The following PSD variants were observed in gnomAD, a reference collection of about 807,000 sequenced individuals.
The protein encoded by PSD is PH and SEC7 domain-containing protein 1.
In PSD, 32 loss-of-function variants were observed where a neutral mutation model predicts 91.6. The ratio of observed to expected loss-of-function variants is 0.35; its 90% CI spans 0.26 to 0.47. The LOEUF (loss-of-function observed/expected upper bound fraction) is 0.47. Among genes scored for constraint, PSD ranks in the 20% least tolerant of loss-of-function variants. The pLI is 1.00. For synonymous variants in PSD, 532 were observed against 569.3 expected (o/e 0.93, Z 0.93); for missense variants, 1,099 against 1,373.9 (o/e 0.80, Z 3.16).
intron 11 of PSD, among the ~76,000 whole-genome samples, chr10:102,406,737 C>A (rs1285525062): frequency 6.6e-6 from 1 of 152,194 alleles, no homozygotes; most frequent in Non-Finnish European, 1.5e-5. Context: ...GATCTCCTGA[C>A]CTCGTGATCT....
Position 102,403,775 on chromosome 10 carries a change from G to C in PSD, c.2844+67C>G. On this transcript the variant is annotated intron_variant, in intron 16 of 16. Coordinates refer to ENST00000020673, the MANE Select transcript of PSD (RefSeq NM_002779.5). This position sits in a 1 kb window ranked among gnomAD's most constrained non-coding sequence, Gnocchi z 6.7. Reference sequence around the variant, plus strand: ...GGACCTCCGGCCGGTTCCACTGTTAGAGTTCATGCCCTTCACCCTAGTATG... The same window carrying C: ...GGACCTCCGGCCGGTTCCACTGTTACAGTTCATGCCCTTCACCCTAGTATG... 6.5e-7 allele frequency: 1 copy of C among 1,538,110 alleles called. No homozygotes were observed.
At position 102,409,847 on chromosome 10, in the gene PSD, C is replaced by A. The variant is rs940397179; in HGVS notation, c.2091+1011G>T. On this transcript the variant is annotated intron_variant, in intron 10 of 16. Transcript: ENST00000020673. This position sits in a 1 kb window ranked among gnomAD's most constrained non-coding sequence, Gnocchi z 5.7. ...GGCATATGGCATACCTCAGACACGGCCAATTCGAAGATGTAAACCCCACCA... is the reference window on the plus strand; with the variant it reads ...GGCATATGGCATACCTCAGACACGGACAATTCGAAGATGTAAACCCCACCA... 6.6e-6 allele frequency among the ~76,000 whole-genome samples: 1 copy of A among 152,228 alleles called. No homozygotes were observed.
chr10:102,405,749 C>T lies in PSD; in HGVS notation c.2136-213G>A. The T allele has an allele frequency of 1.7e-6, 1 of 573,980 alleles. No homozygotes were observed. The highest frequency in any genetic ancestry group is 1.9e-5 in the African/African-American group (1 of 53,640). 35.6% of individuals were successfully genotyped at this position (573,980 alleles called of 1,614,324 possible). On this transcript the variant is annotated intron_variant, in intron 11 of 16. Transcript: ENST00000020673. The surrounding 1 kb of genome is among the most constrained non-coding windows in gnomAD (Gnocchi z 5.4). ...GGGCACCTCCCTCAGAGCTCCCCAG[C>T]CTAGAGCCACCACTGTCCCTTCCTC... is the stretch of plus-strand genomic sequence containing the variant.
In PSD at chr10:102,410,850, C is replaced by G; in HGVS notation, c.2091+8G>C. 8.7e-6 allele frequency: 14 copies of G among 1,608,818 alleles called. No homozygotes were observed. The highest frequency in any genetic ancestry group is 1.2e-5 in the Non-Finnish European group (14 of 1,175,760). On this transcript the variant is annotated splice_region_variant and intron_variant, in intron 10 of 16. Coordinates refer to ENST00000020673, the MANE Select transcript of PSD (RefSeq NM_002779.5). This position sits in a 1 kb window ranked among gnomAD's most constrained non-coding sequence, Gnocchi z 6.0. Reference sequence around the variant, plus strand: ...CTCCAGCGACTTCTACCCTGCCCCGCCCCCCACCTTGAGCAGCTCCCTAGG... The same window carrying G: ...CTCCAGCGACTTCTACCCTGCCCCGGCCCCCACCTTGAGCAGCTCCCTAGG...
Position 102,412,510 on chromosome 10 carries a change from G to A in PSD, c.1619C>T (p.Ala540Val). 6.2e-7 allele frequency: 1 copy of A among 1,613,460 alleles called. No individual in the cohort carries two copies. The highest frequency in any genetic ancestry group is 8.5e-7 in the Non-Finnish European group (1 of 1,179,952). Residue 540 changes from alanine to valine, a missense_variant, in exon 6 of 17, where the codon GCC becomes GTC. Transcript: ENST00000020673. ...GGACAAGGTGTCTGTGCTTCCCAGG[G>A]CCAGCCGCTCTGTGCTGTCCAGCTC... Reference protein sequence around the residue: ...DSELDSTERLALGSTDTLSNG... With the variant: ...DSELDSTERLVLGSTDTLSNG...
Position 102,416,726 on chromosome 10 carries a change from A to C in PSD, c.313T>G (p.Phe105Val), listed in dbSNP as rs1222687610. The change falls in exon 2 of 17, where the codon TTT becomes GTT. Residue 105 changes from phenylalanine (F) to valine (V), a missense_variant. This residue lies in a region of PSD where 631 missense variants were observed against 728.8 expected (regional missense o/e 0.87). Coordinates refer to ENST00000020673, the MANE Select transcript of PSD (RefSeq NM_002779.5). This position sits in a 1 kb window ranked among gnomAD's most constrained non-coding sequence, Gnocchi z 6.0. ...GGCCTCACACTGGCCTTCTCCACAA[A>C]GCGGAAGATGACCACAGAGCTCTGG... Reference protein sequence around the residue: ...GAQSSVVIFRFVEKASVRPLN... With the variant: ...GAQSSVVIFRVVEKASVRPLN... 1.3e-6 allele frequency: 2 copies of C among 1,595,132 alleles called. No individual in the cohort carries two copies. The highest frequency in any genetic ancestry group is 1.1e-5 in the South Asian group (1 of 88,162).
intron 7 of PSD, 46 bp downstream of exon 7, chr10:102,412,101 C>G (rs757503896): frequency 1.3e-6 from 2 of 1,585,200 alleles, no homozygotes; most frequent in South Asian, 1.1e-5. Context: ...GGCCCTAACA[C>G]GAACCCCGGA....
At position 102,416,894 on chromosome 10, in the gene PSD, G is replaced by T; in HGVS notation, c.145C>A (p.Arg49=). The T allele has an allele frequency of 6.2e-7, 1 of 1,607,234 alleles. No individual in the cohort carries two copies. Among genetic ancestry groups the T allele is most frequent in the Non-Finnish European group, 8.5e-7 (1 of 1,177,944 alleles). The change falls in exon 2 of 17, where the codon CGA becomes AGA. Residue 49 remains arginine (R), a synonymous_variant. Coordinates refer to ENST00000020673, the MANE Select transcript of PSD (RefSeq NM_002779.5). The surrounding 1 kb of genome is among the most constrained non-coding windows in gnomAD (Gnocchi z 6.0). ...CCTCGAGGACCTGGACCTGCCACTCGCCGTAGCAAGGAGCCTGTGCTGCCA... is the reference window on the plus strand; with the variant it reads ...CCTCGAGGACCTGGACCTGCCACTCTCCGTAGCAAGGAGCCTGTGCTGCCA... ...MYGSTGSLLR[R]VAGPGPRGRE... is the part of the protein sequence containing the mutation.
Position 102,404,594 on chromosome 10 carries a change from G to A in PSD, c.2689C>T (p.Arg897Cys), listed in dbSNP as rs1416983041. ...AGAGCTTGGGCTACCTGGGAGAGGC[G>A]GGTGGCAGCGCTGGGCAGGAGAGGG... ...SRPLLPSAAT[R>C]LSQEEQVRTH... Residue 897 changes from arginine to cysteine, a missense_variant, in exon 15 of 17, where the codon CGC becomes TGC. Arg to Cys is a radical substitution (Grantham distance 180). Coordinates refer to ENST00000020673, the MANE Select transcript of PSD (RefSeq NM_002779.5). This position sits in a 1 kb window ranked among gnomAD's most constrained non-coding sequence, Gnocchi z 5.7. 2.4e-5 allele frequency: 39 copies of A among 1,610,688 alleles called. No homozygotes were observed. The highest frequency in any genetic ancestry group is 1.6e-4 in the Middle Eastern group (1 of 6,064).
Position 102,416,009 on chromosome 10 carries a change from G to C in PSD, c.757+8C>G. ...CCCTGTTCTCCCTGCCTCAGTCCCAGGCCTTACCTGAGCTGGGGGGGTCCA... is the reference window on the plus strand; with the variant it reads ...CCCTGTTCTCCCTGCCTCAGTCCCACGCCTTACCTGAGCTGGGGGGGTCCA... On this transcript the variant is annotated splice_region_variant and intron_variant, in intron 3 of 16. Coordinates refer to ENST00000020673, the MANE Select transcript of PSD (RefSeq NM_002779.5). The surrounding 1 kb of genome is among the most constrained non-coding windows in gnomAD (Gnocchi z 6.0). The C allele has an allele frequency of 6.2e-7, 1 of 1,609,736 alleles. No individual in the cohort carries two copies. Among genetic ancestry groups the C allele is most frequent in the Non-Finnish European group, 8.5e-7 (1 of 1,177,398 alleles).
Position 102,415,078 on chromosome 10 carries a change from C to T in PSD, c.909G>A (p.Glu303=), listed in dbSNP as rs769123444. ...CGGCCTCCTCCCGCTCAGCCAGCAC[C>T]TCATCGATGTCAGTCTCGCGGTAGC... ...LRCYRETDID[E]VLAEREEADS... The change falls in exon 4 of 17, where the codon GAG becomes GAA. Residue 303 remains glutamate, a synonymous_variant. Transcript: ENST00000020673. The T allele has an allele frequency of 1.2e-6, 2 of 1,614,108 alleles. No homozygotes were observed. Among genetic ancestry groups the T allele is most frequent in the Non-Finnish European group, 1.7e-6 (2 of 1,180,024 alleles).
chr10:102,413,530 C>G (rs530725736), intron 5 of PSD, among the ~76,000 whole-genome samples: 1 of 152,110 alleles, frequency 6.6e-6, no homozygotes, highest in Non-Finnish European at 1.5e-5. Context: ...TCCTTCAATG[C>G]TGAATCATGC....
rs2061488783 is a variant in PSD at position 102,416,938 on chromosome 10, C to T, written c.101G>A (p.Ser34Asn). ...GCTGCCATACATGCTGGCTGGGGGG[C>T]TCTGGGGCACCGGGCCTTCGGGGAG... ...RWLPEGPVPQ[S>N]PPASMYGSTG... The change falls in exon 2 of 17, where the codon AGC becomes AAC. Residue 34 changes from serine (S) to asparagine (N), a missense_variant. Coordinates refer to ENST00000020673, the MANE Select transcript of PSD (RefSeq NM_002779.5). This position sits in a 1 kb window ranked among gnomAD's most constrained non-coding sequence, Gnocchi z 6.0. The T allele has an allele frequency of 1.2e-6, 2 of 1,603,940 alleles. No homozygotes were observed. The highest frequency in any genetic ancestry group is 1.1e-5 in the South Asian group (1 of 90,890).
Position 102,418,724 on chromosome 10 carries a change from C to A in PSD, c.-107G>T, listed in dbSNP as rs1315203975. On this transcript the variant is annotated 5_prime_UTR_variant, in exon 1 of 17. Transcript: ENST00000020673. Reference sequence around the variant, plus strand: ...ACCGCTGCTCGCCCAGAGCTGAGACCGAGGAGAGACAGAGGAGAGGCTGGG... The same window carrying A: ...ACCGCTGCTCGCCCAGAGCTGAGACAGAGGAGAGACAGAGGAGAGGCTGGG... 12 of 455,702 alleles carry A rather than the reference C, an allele frequency of 2.6e-5. No individual in the cohort carries two copies. The East Asian group carries it at 7.6e-4, about 29-fold the overall frequency. 28.2% of individuals were successfully genotyped at this position (455,702 alleles called of 1,614,324 possible).
Position 102,417,113 on chromosome 10 carries a change from C to T in PSD, c.-75G>A. Reference sequence around the variant, plus strand: ...GGGAGTAAGGGGGCTGCATGCTCTTCAGACAGGCCTGTAAGAGAGGAAGGG... The same window carrying T: ...GGGAGTAAGGGGGCTGCATGCTCTTTAGACAGGCCTGTAAGAGAGGAAGGG... On this transcript the variant is annotated 5_prime_UTR_variant, in exon 2 of 17. Coordinates refer to ENST00000020673, the MANE Select transcript of PSD (RefSeq NM_002779.5). 1 of 808,902 alleles carries T rather than the reference C, an allele frequency of 1.2e-6. No individual in the cohort carries two copies. The highest frequency in any genetic ancestry group is 2.0e-6 in the Non-Finnish European group (1 of 508,674). 50.1% of individuals were successfully genotyped at this position (808,902 alleles called of 1,614,324 possible).
Position 102,404,860 on chromosome 10 carries a change from G to C in PSD, c.2555+38C>G, listed in dbSNP as rs779671904. ...GGGAGGGGAGCAGGATGGGAGGTGG[G>C]GGAAGGGGTCCGGGATGGGCAGGAG... On this transcript the variant is annotated intron_variant, in intron 14 of 16. Transcript: ENST00000020673. The surrounding 1 kb of genome is among the most constrained non-coding windows in gnomAD (Gnocchi z 5.7). The C allele has an allele frequency of 6.2e-7, 1 of 1,604,670 alleles. No homozygotes were observed. The highest frequency in any genetic ancestry group is 8.5e-7 in the Non-Finnish European group (1 of 1,174,642).
Position 102,414,330 on chromosome 10 carries a change from AAAG to A in PSD, c.1125-136_1125-134del. On this transcript the variant is annotated intron_variant, in intron 4 of 16. Coordinates refer to ENST00000020673, the MANE Select transcript of PSD (RefSeq NM_002779.5). The surrounding 1 kb of genome is among the most constrained non-coding windows in gnomAD (Gnocchi z 5.6). ...TCACTGGCTCCAGCCCACTAACAAA[AAAG>A]AGCCTCTAGGGTAGGGCGCCAAGCT... 2.2e-6 allele frequency: 2 copies of A among 918,604 alleles called. No individual in the cohort carries two copies. Among genetic ancestry groups the A allele is most frequent in the Non-Finnish European group, 3.2e-6 (2 of 619,476 alleles). The allele number at this position is 918,604 out of a possible 1,614,324, so 56.9% of individuals were successfully genotyped here. A position where few individuals can be genotyped will look rare whatever the true frequency, so the allele number is the denominator to read the frequency against.
rs1279657780 is a variant in PSD at position 102,404,696 on chromosome 10, G to A, written c.2587C>T (p.Arg863Cys). 19 of 1,598,842 alleles carry A rather than the reference G, an allele frequency of 1.2e-5. No individual in the cohort carries two copies. The highest frequency in any genetic ancestry group is 1.7e-5 in the Admixed American group (1 of 58,956). ...SLEQMQSWITRINVVAAMFSA... is the reference protein window; with the variant it reads ...SLEQMQSWITCINVVAAMFSA... ...AACATAGCGGCTACTACATTGATGC[G>A]AGTGATCCAGGACTGCATCTGCTCC... is the stretch of plus-strand genomic sequence containing the variant. Residue 863 changes from arginine (R) to cysteine (C), a missense_variant, in exon 15 of 17, where the codon CGC becomes TGC. Physicochemically the swap from Arg to Cys is radical, Grantham distance 180. Transcript: ENST00000020673. The surrounding 1 kb of genome is among the most constrained non-coding windows in gnomAD (Gnocchi z 5.7).
chr10:102,403,154 T>G lies in PSD; in HGVS notation c.*46A>C. ...CGGCCCGGGCTCAGGCAGGGCCATG[T>G]CATCCTTCAGGTGCCCAGCAGGCAC... On this transcript the variant is annotated 3_prime_UTR_variant, in exon 17 of 17. Coordinates refer to ENST00000020673, the MANE Select transcript of PSD (RefSeq NM_002779.5). This position sits in a 1 kb window ranked among gnomAD's most constrained non-coding sequence, Gnocchi z 6.7. The G allele has an allele frequency of 7.1e-7, 1 of 1,401,654 alleles. No individual in the cohort carries two copies. Among genetic ancestry groups the G allele is most frequent in the Non-Finnish European group, 9.5e-7 (1 of 1,058,044 alleles). 86.8% of individuals were successfully genotyped at this position (1,401,654 alleles called of 1,614,324 possible).
Sources: allele counts gnomAD v4.1 joint callset (sites outside exome capture counted in the v4.1 genomes callset), GRCh38; gene constraint gnomAD v4.1.1; regional missense constraint gnomAD v4.1.1; non-coding constraint Gnocchi (gnomAD v3.1); transcripts MANE v1.5; gene names NCBI Gene and HGNC (gene_info 2026-07-23, HGNC 2026-07-21).